CYRIB: variants seen among roughly 807,000 people sequenced by gnomAD.
CYRIB encodes CYFIP related Rac1 interactor B.
Under a neutral mutation model 44.2 loss-of-function variants are expected in CYRIB, and 8 were observed. The observed-to-expected ratio is 0.18, with a 90% CI of 0.11 to 0.33. The LOEUF (loss-of-function observed/expected upper bound fraction) is 0.33, where lower values mean the gene tolerates loss of function less well. Ranked by LOEUF, CYRIB falls within the 10% of genes least tolerant of loss-of-function variation. CYRIB has a pLI of 1.00. For missense variants in CYRIB, 185 were observed against 382.8 expected, an observed-to-expected ratio of 0.48 and a Z score of 4.31; for synonymous variants, 131 against 127.2, an observed-to-expected ratio of 1.03 and a Z score of -0.20.
At chr8:129,934,749 G>C (rs1284142483) in intron 1 of CYRIB, among the ~76,000 whole-genome samples, 2 of 152,134 alleles carry the variant, frequency 1.3e-5, no homozygotes, top group Non-Finnish European at 2.9e-5. Flanking sequence ...TTTACTGGGG[G>C]TCCGAAGGAA....
intron 1 of CYRIB, among the ~76,000 whole-genome samples, chr8:129,928,733 G>C (rs2089565093): frequency 6.6e-6 from 1 of 151,580 alleles, no homozygotes; most frequent in Admixed American, 6.6e-5. Context: ...TTAGTGATTA[G>C]GGAAACTCAA....
At chr8:129,943,949 C>T (rs1213820998), upstream of CYRIB, among the ~76,000 whole-genome samples, 4 of 146,144 alleles carry the variant, frequency 2.7e-5, no homozygotes, top group Non-Finnish European at 1.5e-5. Context: ...GACCTCTTAG[C>T]TTGGTCTTTA....
rs1320928525 is a variant in CYRIB, at chr8:129,850,249, A to C, written c.713+586T>G. 4 of 153,776 alleles carry C rather than the reference A, an allele frequency of 2.6e-5. No individual in the cohort carries two copies. In the East Asian group the frequency reaches 7.7e-4, roughly 30 times the overall value. 9.5% of individuals were successfully genotyped at this position (153,776 alleles called of 1,614,324 possible). On this transcript the variant is annotated intron_variant, in intron 9 of 11. Coordinates refer to ENST00000519824, the Ensembl canonical transcript of CYRIB. ...TAAGCAGCACATGACTGTATTTATT[A>C]TTCTGGAATCCAGGAGGGATTCTTT...
At chr8:129,932,679 A>C (rs965904887) in intron 1 of CYRIB, among the ~76,000 whole-genome samples, 2 of 152,304 alleles carry the variant, frequency 1.3e-5, no homozygotes, top group African/African-American at 2.4e-5. Context: ...ATTAGCTTGC[A>C]AGTAGGATAA....
At chr8:129,859,062 C>T (rs1409325477) in intron 5 of CYRIB, among the ~76,000 whole-genome samples, 2 of 151,952 alleles carry the variant, frequency 1.3e-5, no homozygotes, top group Non-Finnish European at 2.9e-5. Flanking sequence ...GTAGTGGCCC[C>T]GAATGCTAGG....
chr8:129,905,385 T>G (rs568578136), intron 1 of CYRIB, among the ~76,000 whole-genome samples: 3 of 152,150 alleles, frequency 2.0e-5, no homozygotes, highest in Non-Finnish European at 2.9e-5. Context: ...TCCCCGCTAA[T>G]TTTTTGTATT....
chr8:129,900,206 A>C (rs957132231), intron 2 of CYRIB, among the ~76,000 whole-genome samples: 1 of 152,154 alleles, frequency 6.6e-6, no homozygotes, highest in African/African-American at 2.4e-5. Flanking sequence ...AGTAAAAAAA[A>C]AATGTGGGGC....
chr8:129,935,714 T>C (rs1196371020), intron 1 of CYRIB, among the ~76,000 whole-genome samples: 5 of 152,224 alleles, frequency 3.3e-5, no homozygotes, highest in Non-Finnish European at 7.3e-5. Context: ...AGAAAATAAC[T>C]GTACAGGACT....
intron 3 of CYRIB, among the ~76,000 whole-genome samples, chr8:129,874,988 A>G (rs1057360092): frequency 1.2e-4 from 18 of 152,174 alleles, no homozygotes; most frequent in African/African-American, 4.1e-4. Context: ...GACTACCTCT[A>G]TTTACTCTCC....
chr8:129,930,656 C>T (rs918477348), intron 1 of CYRIB, among the ~76,000 whole-genome samples: 25 of 151,878 alleles, frequency 1.6e-4, no homozygotes, highest in African/African-American at 5.8e-4. Context: ...CAAAAGGTTG[C>T]CAACCAGGCT....
chr8:129,946,139 A>AC, intron 2 of CYRIB, among the ~76,000 whole-genome samples: 1 of 152,316 alleles, frequency 6.6e-6, no homozygotes, highest in Non-Finnish European at 1.5e-5. Context: ...AAAAACTCTG[A>AC]CCTCAGCGTA....
chr8:129,886,296 T>C (rs1204148325), intron 2 of CYRIB, among the ~76,000 whole-genome samples: 6 of 152,216 alleles, frequency 3.9e-5, no homozygotes, highest in East Asian at 1.9e-4. Context: ...CTTACTGAAC[T>C]AGCAGCTCTT....
intron 4 of CYRIB, among the ~76,000 whole-genome samples, chr8:129,863,264 C>T (rs917857494): frequency 1.3e-5 from 2 of 152,174 alleles, no homozygotes; most frequent in Non-Finnish European, 1.5e-5. Context: ...CCGTGGCTCA[C>T]GCCTGTAATC....
At chr8:129,951,894 C>T (rs898044694) in intron 2 of CYRIB, among the ~76,000 whole-genome samples, 3 of 152,170 alleles carry the variant, frequency 2.0e-5, no homozygotes, top group Admixed American at 6.5e-5. Flanking sequence ...TATGGCTGGT[C>T]TGTCCACGAA....
chr8:129,881,360 A>G (rs1588438065), intron 2 of CYRIB, among the ~76,000 whole-genome samples: 2 of 152,176 alleles, frequency 1.3e-5, no homozygotes, highest in South Asian at 4.1e-4. Context: ...TTCTCCAAAG[A>G]TCCCGTTGCT....
chr8:129,998,090 C>G (rs1025177699), intron 1 of CYRIB, among the ~76,000 whole-genome samples: 3 of 147,080 alleles, frequency 2.0e-5, no homozygotes, highest in African/African-American at 7.6e-5. Context: ...CACTGCACTC[C>G]AGCCTGGTGA....
chr8:130,012,179 G>C lies in CYRIB; in HGVS notation c.-296+4191C>G, dbSNP rs115208476. Among the ~76,000 whole-genome samples, 864 of 152,090 alleles carry C rather than the reference G, an allele frequency of 5.7e-3. 7 individuals are homozygous for C. The highest frequency in any genetic ancestry group is 0.02 in the African/African-American group (826 of 41,468). ...CACGATGTTCAAGGAGCAGATGGCA[G>C]CTAGTAAGTCCTCCAAAAGAAGGAA... is the stretch of plus-strand genomic sequence containing the variant. On this transcript the variant is annotated intron_variant, in intron 1 of 14. Transcript: ENST00000401979.
intron 2 of CYRIB, among the ~76,000 whole-genome samples, chr8:129,965,652 C>T (rs564906873): frequency 4.0e-5 from 6 of 151,776 alleles, no homozygotes; most frequent in African/African-American, 7.2e-5. Flanking sequence ...AAAAATTAAC[C>T]GGGCGTGGTG....
intron 2 of CYRIB, chr8:129,948,643 G>C (rs887323315): frequency 6.6e-6 from 1 of 152,230 alleles, no homozygotes; most frequent in South Asian, 2.1e-4. Flanking sequence ...GGAGAAAAAG[G>C]GTGGGCCGTT....
Sources: allele counts gnomAD v4.1 joint callset (sites outside exome capture counted in the v4.1 genomes callset), GRCh38; gene constraint gnomAD v4.1.1; transcripts MANE v1.5; gene names NCBI Gene and HGNC (gene_info 2026-07-23, HGNC 2026-07-21).